Variants in CHD6 observed in about 807,000 individuals in gnomAD.
CHD6 encodes the protein ATP-dependent chromatin remodeler CHD6.
In CHD6, 50 loss-of-function variants were observed where a neutral mutation model predicts 276.9. The observed-to-expected ratio is 0.18, with a 90% CI of 0.14 to 0.23. The LOEUF is 0.23. Among genes scored for constraint, CHD6 ranks in the 10% least tolerant of loss-of-function variants. The pLI, the probability that CHD6 is intolerant of heterozygous loss-of-function variation, is 1.00. For missense variants in CHD6, 2,564 were observed against 3,365.8 expected (o/e 0.76, Z 5.89); for synonymous variants, 1,173 against 1,229.3 (o/e 0.95, Z 0.96).
At chr20:41,501,724 T>C (rs2043834308) in intron 5 of CHD6, among the ~76,000 whole-genome samples, 1 of 152,142 alleles carries the variant, frequency 6.6e-6, no homozygotes, top group African/African-American at 2.4e-5. Context: ...ATATTGTCAA[T>C]AAATAAATAA....
intron 1 of CHD6, among the ~76,000 whole-genome samples, chr20:41,571,389 A>ATTTT (rs11373605): frequency 2.3e-5 from 3 of 129,960 alleles, no homozygotes; most frequent in African/African-American, 3.0e-5. Flanking sequence ...CTGGCCATTA[A>ATTTT]TTTTTTTTTT....
intron 26 of CHD6, 45 bp from the exon 27 acceptor site, chr20:41,437,379 C>T: frequency 7.1e-7 from 1 of 1,406,790 alleles, no homozygotes; most frequent in Non-Finnish European, 1.0e-6. Flanking sequence ...CTAGGTCCCC[C>T]TTATCCACAG....
chr20:41,498,316 C>A, intron 6 of CHD6, 90 bp from the exon 7 acceptor site: 1 of 872,028 alleles, frequency 1.1e-6, no homozygotes, highest in South Asian at 1.5e-5. Context: ...ATATCTCTGC[C>A]TGATTTCCAT....
intron 17 of CHD6, among the ~76,000 whole-genome samples, chr20:41,459,934 T>C (rs946561693): frequency 6.6e-6 from 1 of 152,246 alleles, no homozygotes; most frequent in African/African-American, 2.4e-5. Context: ...TGGGAAAGCT[T>C]GGAACCTCCT....
intron 3 of CHD6, among the ~76,000 whole-genome samples, chr20:41,528,779 A>C (rs2044608161): frequency 6.6e-6 from 1 of 152,242 alleles, no homozygotes; most frequent in Non-Finnish European, 1.5e-5. Flanking sequence ...ATCACTATTA[A>C]TATCATCCTT....
At position 41,473,765 on chromosome 20, in the gene CHD6, A is replaced by C. The variant is rs1014879846; in HGVS notation, c.2469-248T>G. ...AAAAAACAAAACAAAGCAAAAAAAA[A>C]CCAGCTGTAAACTAAGAAGGACTAG... On this transcript the variant is annotated intron_variant, in intron 16 of 36. Coordinates refer to ENST00000373233, the MANE Select transcript of CHD6 (RefSeq NM_032221.5). The surrounding 1 kb of genome is among the most constrained non-coding windows in gnomAD (Gnocchi z 4.1). Among the ~76,000 whole-genome samples, 7 of 152,110 alleles carry C rather than the reference A, an allele frequency of 4.6e-5. No homozygotes were observed. Among genetic ancestry groups the C allele is most frequent in the African/African-American group, 1.4e-4 (6 of 41,422 alleles).
intron 5 of CHD6, among the ~76,000 whole-genome samples, chr20:41,504,403 CTTTTTTTTTTTTTT>C (rs200549678): frequency 9.1e-6 from 1 of 109,966 alleles, no homozygotes; most frequent in East Asian, 2.7e-4. Flanking sequence ...CCTCTATTTT[CTTTTTTTTTTTTTT>C]TTTTTTTTTA....
At position 41,425,514 on chromosome 20, in the gene CHD6, G is replaced by A. The variant is rs1171410583; in HGVS notation, c.4130-120C>T. 5.7e-6 allele frequency: 6 copies of A among 1,046,086 alleles called. No homozygotes were observed. In the African/African-American group the frequency reaches 6.4e-5, roughly 11 times the overall value. 64.8% of individuals were successfully genotyped at this position (1,046,086 alleles called of 1,614,324 possible). Reference sequence around the variant, plus strand: ...CAATAATTTACTCAAAGTAGTTACTGTTTTAATAATTGGCCCAGGAGCAAG... The same window carrying A: ...CAATAATTTACTCAAAGTAGTTACTATTTTAATAATTGGCCCAGGAGCAAG... On this transcript the variant is annotated intron_variant, in intron 28 of 36. Transcript: ENST00000373233.
chr20:41,554,220 G>C (rs1446335478), intron 1 of CHD6, among the ~76,000 whole-genome samples: 17 of 152,170 alleles, frequency 1.1e-4, no homozygotes, highest in East Asian at 1.9e-4. Context: ...AATGTATAAA[G>C]AACTGATACA....
At chr20:41,467,561 G>GAAA (rs11472253) in intron 17 of CHD6, among the ~76,000 whole-genome samples, 58 of 39,162 alleles carry the variant, frequency 1.5e-3, no homozygotes, top group African/African-American at 3.6e-3. Context: ...TTCTGACAAT[G>GAAA]AAAAAAAAAA....
At chr20:41,593,193 C>T (rs1181768481) in intron 1 of CHD6, among the ~76,000 whole-genome samples, 1 of 102,564 alleles carries the variant, frequency 9.8e-6, no homozygotes, top group African/African-American at 3.9e-5. Flanking sequence ...TAACTCAGCC[C>T]AATCAAAAAG....
intron 27 of CHD6, among the ~76,000 whole-genome samples, chr20:41,427,079 C>A (rs542232626): frequency 1.1e-4 from 16 of 151,900 alleles, no homozygotes; most frequent in African/African-American, 3.6e-4. Context: ...ATGGTTCTTA[C>A]GTTTTTAAAG....
Position 41,422,035 on chromosome 20 carries a change from G to A in CHD6, c.4600C>T (p.Arg1534Cys), listed in dbSNP as rs774503575. ...ATGCGGTACAGAGTTCTTGCAGCAC[G>A]TTCCTCAGTGATGGGTTCAACGTAG... ...TIYVEPITEE[R>C]AARTLYRIEL... The change falls in exon 31 of 37, where the codon CGT becomes TGT. Residue 1534 changes from arginine (R) to cysteine (C), a missense_variant. Physicochemically the swap from Arg to Cys is radical, Grantham distance 180. Around this residue, in one of 7 missense-constraint regions of CHD6, gnomAD observed 515 missense variants for 739.5 expected, o/e 0.70. Transcript: ENST00000373233. The A allele has an allele frequency of 6.2e-6, 10 of 1,613,962 alleles. No individual in the cohort carries two copies. In the Admixed American group the frequency reaches 6.7e-5, roughly 11 times the overall value.
At chr20:41,441,255 A>G (rs2047892289) in intron 25 of CHD6, among the ~76,000 whole-genome samples, 1 of 152,206 alleles carries the variant, frequency 6.6e-6, no homozygotes, top group Non-Finnish European at 1.5e-5. Flanking sequence ...AGTACCTAGC[A>G]AAGGGCCTGA....
At chr20:41,546,368 A>G (rs2045042866) in intron 2 of CHD6, among the ~76,000 whole-genome samples, 1 of 152,172 alleles carries the variant, frequency 6.6e-6, no homozygotes, top group Admixed American at 6.6e-5. Context: ...TACTCAAGTC[A>G]GCTCCAAGCC....
intron 2 of CHD6, among the ~76,000 whole-genome samples, chr20:41,539,722 A>G (rs1029001186): frequency 1.3e-5 from 2 of 152,246 alleles, no homozygotes; most frequent in African/African-American, 4.8e-5. Flanking sequence ...AAGGAAACAC[A>G]TAATAACTCC....
intron 31 of CHD6, among the ~76,000 whole-genome samples, chr20:41,417,876 T>C (rs1192734230): frequency 6.6e-6 from 1 of 152,218 alleles, no homozygotes; most frequent in Non-Finnish European, 1.5e-5. Context: ...ACTTCACTCA[T>C]GGAAAGAAAT....
intron 1 of CHD6, among the ~76,000 whole-genome samples, chr20:41,587,648 T>C (rs750771848): frequency 1.3e-5 from 2 of 152,174 alleles, no homozygotes; most frequent in African/African-American, 4.8e-5. Context: ...CACTGAAAAC[T>C]GACAAGCTTT....
At chr20:41,555,769 T>C (rs1225560026) in intron 1 of CHD6, among the ~76,000 whole-genome samples, 51 of 128,440 alleles carry the variant, frequency 4.0e-4, no homozygotes, top group Admixed American at 5.6e-4. Flanking sequence ...CTTTCCAGAC[T>C]GGGCAGCCAG....
Sources: gnomAD v4.1 joint callset for allele counts (sites outside exome capture counted in the v4.1 genomes callset) on GRCh38, gnomAD v4.1.1 for gene constraint, gnomAD v4.1.1 regional missense constraint, Gnocchi (gnomAD v3.1) non-coding constraint, MANE v1.5 for transcripts, NCBI Gene and HGNC (gene_info 2026-07-23, HGNC 2026-07-21) for gene names.